Variants in FBN3 observed in about 807,000 individuals in gnomAD.
FBN3 encodes fibrillin 3.
FBN3 carries 234 observed loss-of-function variants against 330.1 expected under a neutral mutation model. That is an observed-to-expected ratio of 0.71 (90% CI 0.64 to 0.79). The LOEUF is 0.79. FBN3 is among the 30% of genes least tolerant of loss of function. The probability of loss-of-function intolerance (pLI) is 0.00; values close to 1 mark genes in which losing one functional copy is unlikely to be tolerated. For missense variants in FBN3, 3,606 were observed against 3,886.9 expected, an observed-to-expected ratio of 0.93 and a Z score of 1.92; for synonymous variants, 1,458 against 1,517.3, an observed-to-expected ratio of 0.96 and a Z score of 0.91.
rs2083142171 is a variant in FBN3, at chr19:8,131,377, T to G, written c.1991-89A>C. The G allele has an allele frequency of 6.6e-7, 1 of 1,517,996 alleles. No homozygotes were observed. Among genetic ancestry groups the G allele is most frequent in the Non-Finnish European group, 9.0e-7 (1 of 1,105,392 alleles). 94.0% of individuals were successfully genotyped at this position (1,517,996 alleles called of 1,614,324 possible). A position where few individuals can be genotyped will look rare whatever the true frequency, so the allele number is the denominator to read the frequency against. On this transcript the variant is annotated intron_variant, in intron 15 of 63. Transcript: ENST00000600128. This position sits in a 1 kb window ranked among gnomAD's most constrained non-coding sequence, Gnocchi z 4.5. ...AGGCAAGGATGAGGCCCTCTGGTCT[T>G]GGGCAAGAGTTTGGGACTAAGACAC...
chr19:8,068,670 C>G (rs1433771392), intron 63 of FBN3, among the ~76,000 whole-genome samples: 1 of 151,860 alleles, frequency 6.6e-6, no homozygotes, highest in Admixed American at 6.6e-5. Flanking sequence ...CCACTGCATT[C>G]CAGCCTGGGT....
At chr19:8,097,697 G>A (rs1177743673) in intron 41 of FBN3, among the ~76,000 whole-genome samples, 1 of 152,202 alleles carries the variant, frequency 6.6e-6, no homozygotes, top group East Asian at 1.9e-4. Context: ...ATGGCCTTAA[G>A]CGTAAGCAGG....
In FBN3 at chr19:8,083,864, A is replaced by G. The variant is rs1326911366; in HGVS notation, c.7088-492T>C. On this transcript the variant is annotated intron_variant, in intron 56 of 63. Transcript: ENST00000600128. ...GTCGCCCAGGCTGGAGTGCAGTGAC[A>G]CGATCTCTGCTCACTGCAAGCTCCG... Among the ~76,000 whole-genome samples the G allele has an allele frequency of 2.7e-5, 4 of 145,604 alleles. No individual in the cohort carries two copies. In the East Asian group the frequency reaches 6.0e-4, roughly 22 times the overall value.
intron 13 of FBN3, 140 bp downstream of exon 13, chr19:8,135,821 G>T: frequency 1.2e-6 from 1 of 853,048 alleles, no homozygotes; most frequent in Non-Finnish European, 1.8e-6. Flanking sequence ...TCTCAGGTGG[G>T]CTGCTGGGTT....
At chr19:8,111,845 T>A (rs893036934) in intron 31 of FBN3, 75 bp from the exon 32 acceptor site, 9 of 1,569,144 alleles carry the variant, frequency 5.7e-6, no homozygotes, top group Non-Finnish European at 7.8e-6. Flanking sequence ...GAAAGACCCA[T>A]CAACCCTCCA....
intron 56 of FBN3, 150 bp from the exon 57 acceptor site, chr19:8,083,522 C>G: frequency 1.1e-6 from 1 of 911,316 alleles, no homozygotes; most frequent in East Asian, 2.6e-5. Context: ...CCACGTGGAC[C>G]CCATCCTCAG....
At chr19:8,147,210 T>C in intron 2 of FBN3, 24 bp from the exon 3 acceptor site, 3 of 1,560,310 alleles carry the variant, frequency 1.9e-6, no homozygotes, top group African/African-American at 1.4e-5. Flanking sequence ...GAGATGGGTC[T>C]GGTGAGCCCC....
At chr19:8,115,730 T>C in intron 29 of FBN3, 90 bp from the exon 30 acceptor site, 1 of 1,461,486 alleles carries the variant, frequency 6.8e-7, no homozygotes, top group South Asian at 1.2e-5. Context: ...ATCACCAGCA[T>C]TCCTGACTGT....
intron 13 of FBN3, 25 bp downstream of exon 13, chr19:8,135,936 G>GGGGGGGGGGCGGCCCCCCCCCCCCCCCC: frequency 3.0e-6 from 2 of 668,778 alleles, no homozygotes; most frequent in Admixed American, 2.9e-5. Context: ...GGAAGCCCCT[G>GGGGGGGGGGCGGCCCCCCCCCCCCCCCC]CCCACCCGCC....
intron 46 of FBN3, 119 bp from the exon 47 acceptor site, chr19:8,094,684 C>A: frequency 8.6e-7 from 1 of 1,165,310 alleles, no homozygotes; most frequent in Non-Finnish European, 1.2e-6. Context: ...CAAGCCCTCC[C>A]AGTGGCAATT....
In FBN3 at chr19:8,108,174, C is replaced by T. The variant is rs2082490711; in HGVS notation, c.4683G>A (p.Leu1561=). The T allele has an allele frequency of 2.5e-6, 4 of 1,612,256 alleles. No individual in the cohort carries two copies. In the East Asian group the frequency reaches 8.9e-5, roughly 36 times the overall value. Residue 1561 remains leucine, a synonymous_variant, in exon 37 of 64, where the codon CTG becomes CTA. Transcript: ENST00000600128. ...GFQPNRITVI[L]EDIDECQELP... is the part of the protein sequence containing the mutation. Reference sequence around the variant, plus strand: ...GATGATCTGCCAGGAACTCACCTTCCAGAATGACAGTGATGCGGTTAGGCT... The same window carrying T: ...GATGATCTGCCAGGAACTCACCTTCTAGAATGACAGTGATGCGGTTAGGCT...
intron 26 of FBN3, among the ~76,000 whole-genome samples, chr19:8,118,007 C>A (rs1166218571): frequency 6.6e-6 from 1 of 151,996 alleles, no homozygotes; most frequent in Non-Finnish European, 1.5e-5. Flanking sequence ...CACACTCACA[C>A]CCATGTGCAC....
intron 63 of FBN3, among the ~76,000 whole-genome samples, chr19:8,067,083 A>G (rs2081408421): frequency 6.6e-6 from 1 of 151,682 alleles, no homozygotes. Context: ...AGGCTGTGGC[A>G]GGAGGATTGC....
Position 8,087,849 on chromosome 19 carries a change from G to T in FBN3, c.6595C>A (p.Arg2199=), listed in dbSNP as rs145108656. The change falls in exon 53 of 64, where the codon CGG becomes AGG. Residue 2199 remains arginine (R), a synonymous_variant. Transcript: ENST00000600128. ...LCTCPAGYTL[R]EDGAMCRDVD... ...CCTCGACACATGGCCCCATCCTCCCGCAGGGTGTAGCCGGCTGGACAGGTG... is the reference window on the plus strand; with the variant it reads ...CCTCGACACATGGCCCCATCCTCCCTCAGGGTGTAGCCGGCTGGACAGGTG... 6.2e-7 allele frequency: 1 copy of T among 1,613,974 alleles called. No homozygotes were observed. The highest frequency in any genetic ancestry group is 8.5e-7 in the Non-Finnish European group (1 of 1,179,954).
At chr19:8,139,464 G>A (rs2083363349) in intron 8 of FBN3, among the ~76,000 whole-genome samples, 1 of 152,166 alleles carries the variant, frequency 6.6e-6, no homozygotes, top group African/African-American at 2.4e-5. Flanking sequence ...CCCCGTCGCT[G>A]CAGGCATCCA....
At chr19:8,086,363 C>T in intron 54 of FBN3, 38 bp from the exon 55 acceptor site, 2 of 1,552,116 alleles carry the variant, frequency 1.3e-6, no homozygotes, top group Non-Finnish European at 1.8e-6. Flanking sequence ...GCGGGGAGGC[C>T]ACAGGCAGCC....
At chr19:8,112,229 C>G (rs1474305966) in intron 30 of FBN3, 130 bp from the exon 31 acceptor site, 6 of 919,274 alleles carry the variant, frequency 6.5e-6, no homozygotes, top group East Asian at 2.7e-5. Flanking sequence ...TCCCATTCAC[C>G]TGGGGAGCTT....
chr19:8,147,359 C>T lies in FBN3; in HGVS notation c.122G>A (p.Gly41Asp). 1 of 1,602,118 alleles carries T rather than the reference C, an allele frequency of 6.2e-7. No homozygotes were observed. Among genetic ancestry groups the T allele is most frequent in the Non-Finnish European group, 8.5e-7 (1 of 1,176,232 alleles). Residue 41 changes from glycine to aspartate, a missense_variant, in exon 2 of 64, where the codon GGT (glycine) becomes GAT (aspartate). By Grantham distance (94) the Gly-to-Asp change is moderately conservative. Coordinates refer to ENST00000600128, the MANE Select transcript of FBN3 (RefSeq NM_032447.5). Reference protein sequence around the residue: ...GRWDGALEAAGPGRVRRRGSP... With the variant: ...GRWDGALEAADPGRVRRRGSP... ...GCCCCGCCTCCGCACACGTCCAGGA[C>T]CTGCAGCCTCCAAGGCCCCGTCCCA...
At chr19:8,069,608 G>A (rs1020022582) in intron 63 of FBN3, among the ~76,000 whole-genome samples, 1 of 152,122 alleles carries the variant, frequency 6.6e-6, no homozygotes, top group African/African-American at 2.4e-5. Flanking sequence ...CTATTTTTGA[G>A]ACAGGGTCTG....
Sources: gnomAD v4.1 joint callset for allele counts (sites outside exome capture counted in the v4.1 genomes callset) on GRCh38, gnomAD v4.1.1 for gene constraint, Gnocchi (gnomAD v3.1) non-coding constraint, MANE v1.5 for transcripts, NCBI Gene and HGNC (gene_info 2026-07-23, HGNC 2026-07-21) for gene names.